Variants in KCNQ3 observed in about 807,000 individuals in gnomAD.
The protein encoded by KCNQ3 is potassium voltage-gated channel subfamily KQT member 3.
Under a neutral mutation model 92.5 loss-of-function variants are expected in KCNQ3, and 30 were observed. That is an observed-to-expected ratio of 0.32 (90% CI 0.24 to 0.44). KCNQ3 has a LOEUF of 0.44. KCNQ3 is among the 20% of genes least tolerant of loss of function. The probability of loss-of-function intolerance (pLI) is 1.00; values close to 1 mark genes in which losing one functional copy is unlikely to be tolerated. For synonymous variants in KCNQ3, 450 were observed against 468.8 expected, an observed-to-expected ratio of 0.96 and a Z score of 0.52; for missense variants, 913 against 1,140.3, an observed-to-expected ratio of 0.80 and a Z score of 2.87.
At chr8:132,417,621 A>C in intron 1 of KCNQ3, among the ~76,000 whole-genome samples, 1 of 152,154 alleles carries the variant, frequency 6.6e-6, no homozygotes, top group East Asian at 1.9e-4. Context: ...TGGGGACTTG[A>C]CCACTTAGCA....
At chr8:132,432,846 T>C (rs1821288448) in intron 1 of KCNQ3, among the ~76,000 whole-genome samples, 1 of 152,214 alleles carries the variant, frequency 6.6e-6, no homozygotes, top group Non-Finnish European at 1.5e-5. Flanking sequence ...GTCTTTCTTG[T>C]GCCAGGCACA....
chr8:132,296,059 T>A (rs1049922030), intron 1 of KCNQ3, among the ~76,000 whole-genome samples: 2 of 152,148 alleles, frequency 1.3e-5, no homozygotes, highest in African/African-American at 2.4e-5. Context: ...AATAATAAAG[T>A]TATTGGGCAC....
intron 1 of KCNQ3, among the ~76,000 whole-genome samples, chr8:132,305,284 T>C (rs181781520): frequency 9.2e-5 from 14 of 152,320 alleles, no homozygotes; most frequent in African/African-American, 3.4e-4. Context: ...ATACTACAAA[T>C]TGATGTAACC....
chr8:132,412,969 C>T (rs1009783793), intron 1 of KCNQ3, among the ~76,000 whole-genome samples: 4 of 152,216 alleles, frequency 2.6e-5, no homozygotes, highest in African/African-American at 9.7e-5. Flanking sequence ...GCTTTGTGAC[C>T]TCCTCTCTCC....
intron 1 of KCNQ3, among the ~76,000 whole-genome samples, chr8:132,282,883 AG>A (rs1196048440): frequency 2.0e-5 from 3 of 152,212 alleles, no homozygotes; most frequent in Admixed American, 1.3e-4. Context: ...CAGAGGCCAC[AG>A]GGTCCCAACA....
At chr8:132,176,193 C>T (rs1315113765) in intron 4 of KCNQ3, among the ~76,000 whole-genome samples, 5 of 152,068 alleles carry the variant, frequency 3.3e-5, no homozygotes, top group African/African-American at 1.2e-4. Flanking sequence ...GATTTAGAGC[C>T]TATGCAAAAG....
At chr8:132,268,072 T>C (rs1382174396) in intron 1 of KCNQ3, among the ~76,000 whole-genome samples, 1 of 152,210 alleles carries the variant, frequency 6.6e-6, no homozygotes, top group Non-Finnish European at 1.5e-5. Flanking sequence ...CTAAAAATCC[T>C]ATGTCCTCTG....
chr8:132,375,451 A>C (rs1046828554), intron 1 of KCNQ3, among the ~76,000 whole-genome samples: 2 of 152,202 alleles, frequency 1.3e-5, no homozygotes, highest in African/African-American at 2.4e-5. Flanking sequence ...CTCATTCTGC[A>C]GCCGCTGAGA....
intron 9 of KCNQ3, among the ~76,000 whole-genome samples, chr8:132,149,395 TTTTGCCC>T (rs1825564093): frequency 6.6e-6 from 1 of 152,156 alleles, no homozygotes; most frequent in Non-Finnish European, 1.5e-5. Context: ...TCCTTTTTCC[TTTTGCCC>T]ACTAAGTTCC....
chr8:132,285,400 T>C (rs1563841013), intron 1 of KCNQ3, among the ~76,000 whole-genome samples: 1 of 152,068 alleles, frequency 6.6e-6, no homozygotes, highest in Non-Finnish European at 1.5e-5. Context: ...ACTGGGAACT[T>C]GTTGTATAGC....
At chr8:132,455,552 C>A (rs1053093721) in intron 1 of KCNQ3, among the ~76,000 whole-genome samples, 1 of 152,208 alleles carries the variant, frequency 6.6e-6, no homozygotes, top group Non-Finnish European at 1.5e-5. Flanking sequence ...CTTCAGTTGG[C>A]ATTTTTTGAG....
At chr8:132,160,951 A>C (rs1408326009) in intron 9 of KCNQ3, among the ~76,000 whole-genome samples, 1 of 152,112 alleles carries the variant, frequency 6.6e-6, no homozygotes, top group African/African-American at 2.4e-5. Flanking sequence ...CTAGGTGAGA[A>C]GGGATGGGAG....
At chr8:132,262,820 A>G (rs1815833722) in intron 1 of KCNQ3, among the ~76,000 whole-genome samples, 1 of 152,128 alleles carries the variant, frequency 6.6e-6, no homozygotes, top group South Asian at 2.1e-4. Context: ...TCTGTTTTAT[A>G]TGTTGAAAAC....
chr8:132,455,968 A>T (rs1337075945), intron 1 of KCNQ3, among the ~76,000 whole-genome samples: 1 of 151,632 alleles, frequency 6.6e-6, no homozygotes. Context: ...GATGGTCTCG[A>T]TCTCCTGACC....
At chr8:132,248,474 C>A (rs935334732) in intron 1 of KCNQ3, among the ~76,000 whole-genome samples, 4 of 152,112 alleles carry the variant, frequency 2.6e-5, no homozygotes, top group African/African-American at 9.7e-5. Context: ...TAGAGCTCTG[C>A]TTCCTTTGTA....
chr8:132,460,828 G>A (rs1044987930), intron 1 of KCNQ3, among the ~76,000 whole-genome samples: 1 of 152,112 alleles, frequency 6.6e-6, no homozygotes, highest in Non-Finnish European at 1.5e-5. Context: ...CCACCATTAC[G>A]GAATCACACA....
chr8:132,187,886 C>T (rs59562445), intron 1 of KCNQ3, among the ~76,000 whole-genome samples: 1,409 of 25,298 alleles, frequency 0.056, 22 homozygotes, highest in African/African-American at 0.15. Context: ...GTGATGGTGG[C>T]GGTGGTGGTG....
At chr8:132,364,287 G>T (rs1007328774) in intron 1 of KCNQ3, among the ~76,000 whole-genome samples, 9 of 152,248 alleles carry the variant, frequency 5.9e-5, no homozygotes, top group Admixed American at 2.0e-4. Context: ...ATTACTTTCA[G>T]TGGGGGTAGG....
chr8:132,313,920 A>G (rs1298272166), intron 1 of KCNQ3, among the ~76,000 whole-genome samples: 1 of 152,202 alleles, frequency 6.6e-6, no homozygotes, highest in East Asian at 1.9e-4. Flanking sequence ...CTCCACAGTA[A>G]CCTTATGAGA....
Sources: allele counts gnomAD v4.1 joint callset (sites outside exome capture counted in the v4.1 genomes callset), GRCh38; gene constraint gnomAD v4.1.1; transcripts MANE v1.5; gene names NCBI Gene and HGNC (gene_info 2026-07-23, HGNC 2026-07-21).